The following MPPED2 variants were observed in gnomAD, a reference collection of about 807,000 sequenced individuals.
MPPED2 encodes metallophosphoesterase MPPED2.
A neutral mutation model predicts 33.0 loss-of-function variants in MPPED2; 5 were observed. The observed-to-expected ratio is 0.15, with a 90% CI of 0.08 to 0.32. MPPED2 has a LOEUF of 0.32. Ranked by LOEUF, MPPED2 falls within the 10% of genes least tolerant of loss-of-function variation. The pLI is 1.00. For synonymous variants in MPPED2, 136 were observed against 141.9 expected, an observed-to-expected ratio of 0.96 and a Z score of 0.29; for missense variants, 275 against 372.1, an observed-to-expected ratio of 0.74 and a Z score of 2.15.
At chr11:30,547,208 A>G (rs1955469478) in intron 2 of MPPED2, among the ~76,000 whole-genome samples, 1 of 152,214 alleles carries the variant, frequency 6.6e-6, no homozygotes, top group Non-Finnish European at 1.5e-5. Flanking sequence ...TAACAAAGAG[A>G]ACTACCATCT....
chr11:30,441,298 T>C (rs970118570), intron 4 of MPPED2: 9 of 152,232 alleles, frequency 5.9e-5, no homozygotes, highest in African/African-American at 2.2e-4. Context: ...TGGAAACACA[T>C]GCTTTCCAAT....
chr11:30,418,126 C>T (rs1006835089), intron 4 of MPPED2, among the ~76,000 whole-genome samples: 3 of 152,174 alleles, frequency 2.0e-5, no homozygotes, highest in African/African-American at 7.2e-5. Flanking sequence ...AGGGCTCTGA[C>T]ACAGGCACTC....
At chr11:30,456,542 G>A (rs1433914595) in intron 4 of MPPED2, among the ~76,000 whole-genome samples, 1 of 152,030 alleles carries the variant, frequency 6.6e-6, no homozygotes, top group Non-Finnish European at 1.5e-5. Flanking sequence ...CCCCAATCCT[G>A]TGTGTGTGCG....
chr11:30,448,936 G>A (rs1590312942), intron 4 of MPPED2, among the ~76,000 whole-genome samples: 2 of 151,254 alleles, frequency 1.3e-5, no homozygotes, highest in African/African-American at 4.9e-5. Flanking sequence ...TTACAGGCGT[G>A]AGCCACCACC....
chr11:30,395,153 C>A (rs898811069), intron 6 of MPPED2, among the ~76,000 whole-genome samples: 1 of 152,122 alleles, frequency 6.6e-6, no homozygotes, highest in African/African-American at 2.4e-5. Context: ...GTTTCTGAAT[C>A]ATTTTCTAAC....
chr11:30,468,912 T>A (rs2134046662), intron 4 of MPPED2: 1 of 152,302 alleles, frequency 6.6e-6, no homozygotes, highest in South Asian at 2.1e-4. Flanking sequence ...GCAAGCTGCA[T>A]AGCCAGCCCT....
chr11:30,468,841 G>A (rs1950830075), intron 4 of MPPED2: 1 of 152,158 alleles, frequency 6.6e-6, no homozygotes, highest in Non-Finnish European at 1.5e-5. Flanking sequence ...GATTCTTCCA[G>A]GGACCCTTGT....
chr11:30,394,443 G>A (rs1947815931), intron 6 of MPPED2, among the ~76,000 whole-genome samples: 1 of 152,026 alleles, frequency 6.6e-6, no homozygotes, highest in Admixed American at 6.6e-5. Flanking sequence ...GATATTATCA[G>A]GCTTTTTTTT....
chr11:30,585,847 G>A (rs1177763071), intron 1 of MPPED2, among the ~76,000 whole-genome samples, 195 bp downstream of exon 1: 1 of 152,228 alleles, frequency 6.6e-6, no homozygotes, highest in African/African-American at 2.4e-5. Flanking sequence ...GCCCGCTCGT[G>A]CGGATGTCAG....
At chr11:30,416,858 TA>T (rs1264167069) in intron 5 of MPPED2, among the ~76,000 whole-genome samples, 3 of 152,134 alleles carry the variant, frequency 2.0e-5, no homozygotes, top group Non-Finnish European at 4.4e-5. Context: ...CGTGAAAAAT[TA>T]AAAGGTAATA....
At chr11:30,583,411 C>T (rs1180046067) in intron 1 of MPPED2, among the ~76,000 whole-genome samples, 2 of 152,060 alleles carry the variant, frequency 1.3e-5, no homozygotes, top group Non-Finnish European at 2.9e-5. Context: ...TCATTTTATA[C>T]TTCAACACAC....
At chr11:30,420,862 TC>T (rs1281920238) in intron 4 of MPPED2, among the ~76,000 whole-genome samples, 1 of 152,118 alleles carries the variant, frequency 6.6e-6, no homozygotes, top group East Asian at 1.9e-4. Context: ...TGCCCATCCT[TC>T]CCCTTTATTT....
At chr11:30,430,252 C>T (rs1474627661) in intron 4 of MPPED2, among the ~76,000 whole-genome samples, 1 of 151,870 alleles carries the variant, frequency 6.6e-6, no homozygotes, top group East Asian at 1.9e-4. Flanking sequence ...ATATGATAGC[C>T]GTATTTACTG....
At chr11:30,406,865 C>T (rs181640285), downstream of MPPED2, among the ~76,000 whole-genome samples, 196 of 152,306 alleles carry the variant, frequency 1.3e-3, 2 homozygotes, top group Non-Finnish European at 2.6e-3. Context: ...TCTTAATTCA[C>T]TTTTGTTTAA....
chr11:30,389,006 A>AT (rs1565028404), intron 6 of MPPED2: 1 of 1,513,854 alleles, frequency 6.6e-7, no homozygotes, highest in Admixed American at 2.2e-5. Context: ...AGAGATGAAC[A>AT]TGACCTAAAT....
At chr11:30,449,513 G>A (rs764155147) in intron 4 of MPPED2, among the ~76,000 whole-genome samples, 25 of 147,756 alleles carry the variant, frequency 1.7e-4, no homozygotes, top group African/African-American at 3.2e-4. Flanking sequence ...GTGTGGTGGC[G>A]TGCGCCTGAG....
intron 6 of MPPED2, among the ~76,000 whole-genome samples, chr11:30,402,928 T>C (rs900438876): frequency 2.0e-5 from 3 of 152,174 alleles, no homozygotes; most frequent in African/African-American, 7.2e-5. Context: ...TCTGGATTTT[T>C]AATTTTGGTT....
intron 4 of MPPED2, among the ~76,000 whole-genome samples, chr11:30,445,418 A>G (rs1461856293): frequency 6.6e-6 from 1 of 152,234 alleles, no homozygotes; most frequent in Non-Finnish European, 1.5e-5. Context: ...ATTCCAGTCT[A>G]GTTGTCACTA....
intron 4 of MPPED2, among the ~76,000 whole-genome samples, chr11:30,420,007 T>A (rs1033527614): frequency 3.7e-4 from 57 of 152,296 alleles, no homozygotes; most frequent in Admixed American, 1.4e-3. Context: ...ATATATACAA[T>A]CATTGTATGT....
Sources: gnomAD v4.1 joint callset for allele counts (sites outside exome capture counted in the v4.1 genomes callset) on GRCh38, gnomAD v4.1.1 for gene constraint, MANE v1.5 for transcripts, NCBI Gene and HGNC (gene_info 2026-07-23, HGNC 2026-07-21) for gene names.